ZNF765: variants seen among roughly 807,000 people sequenced by gnomAD.
The protein encoded by ZNF765 is zinc finger protein 765.
ZNF765 carries 37 observed loss-of-function variants against 44.7 expected under a neutral mutation model. The ratio of observed to expected loss-of-function variants is 0.83; its 90% CI spans 0.64 to 1.09. The LOEUF is 1.09. ZNF765 is among the 50% of genes least tolerant of loss of function. ZNF765 has a pLI of 0.00. For missense variants in ZNF765, 594 were observed against 626.1 expected (o/e 0.95, Z 0.55); for synonymous variants, 201 against 213.7 (o/e 0.94, Z 0.52).
intron 3 of ZNF765, among the ~76,000 whole-genome samples, chr19:53,404,695 C>T (rs536285213): frequency 2.6e-5 from 4 of 151,826 alleles, no homozygotes; most frequent in South Asian, 2.1e-4. Flanking sequence ...CTCCTGACCT[C>T]GTGATCCTCC....
intron 3 of ZNF765, among the ~76,000 whole-genome samples, chr19:53,404,284 C>G (rs773462542): frequency 1.6e-4 from 24 of 152,040 alleles, no homozygotes; most frequent in Non-Finnish European, 2.9e-4. Context: ...CCTTTTTGGT[C>G]AGGCTGGTCT....
chr19:53,411,247 AT>A lies in ZNF765; in HGVS notation c.*2124del. The A allele has an allele frequency of 6.7e-6, 1 of 150,372 alleles. No homozygotes were observed. Among genetic ancestry groups the A allele is most frequent in the Non-Finnish European group, 1.5e-5 (1 of 68,360 alleles). 9.3% of individuals were successfully genotyped at this position (150,372 alleles called of 1,614,324 possible). On this transcript the variant is annotated 3_prime_UTR_variant, in exon 4 of 4. Coordinates refer to ENST00000396408, the MANE Select transcript of ZNF765 (RefSeq NM_001040185.3). ...TCAGCCTGGCCAACAGACGTGAGCC[AT>A]TTTCCCAGCCTGTTTTTTGTTTCTT...
At position 53,409,421 on chromosome 19, in the gene ZNF765, A is replaced by G. The variant is rs1330519846; in HGVS notation, c.*294A>G. 1.2e-5 allele frequency: 10 copies of G among 850,756 alleles called. No homozygotes were observed. The highest frequency in any genetic ancestry group is 2.0e-5 in the Non-Finnish European group (10 of 488,484). The allele number at this position is 850,756 out of a possible 1,614,324, so 52.7% of individuals were successfully genotyped here. ...TGTTTCAAATCCAACCTTGAAAGAC[A>G]TAGGAGAATTCACACTGGTGAGAAA... On this transcript the variant is annotated 3_prime_UTR_variant, in exon 4 of 4. Coordinates refer to ENST00000396408, the MANE Select transcript of ZNF765 (RefSeq NM_001040185.3).
At chr19:53,422,569 T>A (rs2085913630) in intron 3 of ZNF765, among the ~76,000 whole-genome samples, 2 of 152,186 alleles carry the variant, frequency 1.3e-5, no homozygotes, top group Admixed American at 6.5e-5. Flanking sequence ...TTTTTATTTT[T>A]ATATATTTAC....
intron 2 of ZNF765, among the ~76,000 whole-genome samples, chr19:53,400,787 C>CACAT (rs1208415181): frequency 0.034 from 549 of 16,120 alleles, 8 homozygotes; most frequent in Non-Finnish European, 0.053. Flanking sequence ...TATATATACA[C>CACAT]ACATACATAA....
exon 4 of ZNF765, chr19:53,425,341 C>A (rs1486644345): frequency 1.3e-5 from 2 of 149,736 alleles, no homozygotes; most frequent in Non-Finnish European, 3.0e-5. Flanking sequence ...TGGGATCTCA[C>A]TCTGTCGGCC....
rs2085809103 is a variant in ZNF765, at chr19:53,409,094, G to A, written c.1539G>A (p.Arg513=). ...FSFKSNLERH[R]RIYTGEKLHV ...TCAAATCAAACCTTGAAAGACATAGGAGAATTTATACTGGAGAGAAACTAC... is the reference window on the plus strand; with the variant it reads ...TCAAATCAAACCTTGAAAGACATAGAAGAATTTATACTGGAGAGAAACTAC... The change falls in exon 4 of 4, where the codon AGG becomes AGA. Residue 513 remains arginine (R), a synonymous_variant. Coordinates refer to ENST00000396408, the MANE Select transcript of ZNF765 (RefSeq NM_001040185.3). 4 of 1,613,792 alleles carry A rather than the reference G, an allele frequency of 2.5e-6. No homozygotes were observed. The highest frequency in any genetic ancestry group is 1.1e-5 in the South Asian group (1 of 91,068).
At position 53,398,918 on chromosome 19, in the gene ZNF765, T is replaced by C. The variant is rs2085696141; in HGVS notation, c.15+888T>C. On this transcript the variant is annotated intron_variant, in intron 2 of 3. Transcript: ENST00000396408. ...GTGTGCACCACCACGCCCAGCTAAT[T>C]TTGTTGTATTTTTATTAGTGACGAG... 2.6e-5 allele frequency among the ~76,000 whole-genome samples: 4 copies of C among 151,610 alleles called. No individual in the cohort carries two copies. The South Asian group carries it at 8.3e-4, about 32-fold the overall frequency.
chr19:53,418,197 C>T (rs113786884), intron 3 of ZNF765, among the ~76,000 whole-genome samples: 400 of 152,198 alleles, frequency 2.6e-3, no homozygotes, highest in African/African-American at 8.5e-3. Flanking sequence ...GTCAGGAGAT[C>T]GAGACCATCC....
intron 1 of ZNF765, among the ~76,000 whole-genome samples, chr19:53,395,682 C>G (rs1168859090): frequency 6.6e-6 from 1 of 152,238 alleles, no homozygotes; most frequent in African/African-American, 2.4e-5. Context: ...TACTGCTCCC[C>G]AGGTTCGCCT....
chr19:53,422,276 G>GA (rs1179142610), intron 3 of ZNF765, among the ~76,000 whole-genome samples: 1 of 152,188 alleles, frequency 6.6e-6, no homozygotes, highest in Non-Finnish European at 1.5e-5. Flanking sequence ...AATGCACTCT[G>GA]AAATCAGCCC....
At chr19:53,400,783 T>TATATATATATATAC (rs10664389) in intron 2 of ZNF765, among the ~76,000 whole-genome samples, 22,682 of 126,228 alleles carry the variant, frequency 0.18, 2,323 homozygotes, top group Middle Eastern at 0.25. Flanking sequence ...TATATATATA[T>TATATATATATATAC]ACACACATAC....
chr19:53,416,658 A>G (rs1157951033), downstream of ZNF765, among the ~76,000 whole-genome samples: 2 of 151,874 alleles, frequency 1.3e-5, no homozygotes, highest in Non-Finnish European at 2.9e-5. Context: ...TATTTGTAAT[A>G]CTCTATTTTA....
At chr19:53,405,948 T>TAA (rs1395615056) in intron 3 of ZNF765, among the ~76,000 whole-genome samples, 7 of 123,586 alleles carry the variant, frequency 5.7e-5, no homozygotes, top group Admixed American at 1.7e-4. Context: ...TATATATATA[T>TAA]ATAAAATTGC....
chr19:53,409,334 G>A lies in ZNF765; in HGVS notation c.*207G>A. 3.5e-6 allele frequency: 3 copies of A among 852,774 alleles called. No individual in the cohort carries two copies. Among genetic ancestry groups the A allele is most frequent in the Non-Finnish European group, 6.0e-6 (3 of 497,430 alleles). 52.8% of individuals were successfully genotyped at this position (852,774 alleles called of 1,614,324 possible). A position where few individuals can be genotyped will look rare whatever the true frequency, so the allele number is the denominator to read the frequency against. On this transcript the variant is annotated 3_prime_UTR_variant, in exon 4 of 4. Coordinates refer to ENST00000396408, the MANE Select transcript of ZNF765 (RefSeq NM_001040185.3). ...CCTTGAGTCATACGTCATCTTTTGTGTACCATCATAAACTTCATAGTGGAG... is the reference window on the plus strand; with the variant it reads ...CCTTGAGTCATACGTCATCTTTTGTATACCATCATAAACTTCATAGTGGAG...
At chr19:53,421,363 A>G (rs1191947707) in intron 3 of ZNF765, among the ~76,000 whole-genome samples, 1 of 152,138 alleles carries the variant, frequency 6.6e-6, no homozygotes, top group Non-Finnish European at 1.5e-5. Context: ...CCTTATGCTG[A>G]GTGCCGGTCC....
At chr19:53,395,999 A>G (rs79272982) in intron 1 of ZNF765, among the ~76,000 whole-genome samples, 4,596 of 36,698 alleles carry the variant, frequency 0.13, 236 homozygotes, top group African/African-American at 0.24. Context: ...AATGTGGGGG[A>G]AAAAAAAAAA....
At position 53,411,764 on chromosome 19, in the gene ZNF765, G is replaced by A. The variant is rs773079027; in HGVS notation, c.*2637G>A. ...AGGTAAAAACCTCTGACCTTTTTAC[G>A]TTTATTTCTAAGTATTTCTTACTTT... is the stretch of plus-strand genomic sequence containing the variant. On this transcript the variant is annotated 3_prime_UTR_variant, in exon 4 of 4. Coordinates refer to ENST00000396408, the MANE Select transcript of ZNF765 (RefSeq NM_001040185.3). 5.3e-5 allele frequency: 8 copies of A among 152,140 alleles called. No individual in the cohort carries two copies. Among genetic ancestry groups the A allele is most frequent in the South Asian group, 2.1e-4 (1 of 4,838 alleles). 9.4% of individuals were successfully genotyped at this position (152,140 alleles called of 1,614,324 possible). A position where few individuals can be genotyped will look rare whatever the true frequency, so the allele number is the denominator to read the frequency against.
chr19:53,420,858 C>T (rs918244523), intron 3 of ZNF765, among the ~76,000 whole-genome samples: 10 of 152,116 alleles, frequency 6.6e-5, no homozygotes, highest in Non-Finnish European at 1.3e-4. Flanking sequence ...CTAGGAAAGC[C>T]AGGTATTGTC....
Sources: gnomAD v4.1 joint callset for allele counts (sites outside exome capture counted in the v4.1 genomes callset) on GRCh38, gnomAD v4.1.1 for gene constraint, MANE v1.5 for transcripts, NCBI Gene and HGNC (gene_info 2026-07-23, HGNC 2026-07-21) for gene names.